CTDP1: variants seen among roughly 807,000 people sequenced by gnomAD.
CTDP1 encodes the protein CTD phosphatase 1.
Under a neutral mutation model 91.8 loss-of-function variants are expected in CTDP1, and 47 were observed. The observed-to-expected ratio is 0.51, with a 90% CI of 0.41 to 0.65. The LOEUF is 0.65. Ranked by LOEUF, CTDP1 falls within the 30% of genes least tolerant of loss-of-function variation. The pLI, the probability that CTDP1 is intolerant of heterozygous loss-of-function variation, is 0.00. For missense variants in CTDP1, 1,272 were observed against 1,373.7 expected (o/e 0.93, Z 1.17); for synonymous variants, 656 against 598.5 (o/e 1.10, Z -1.40).
At position 79,746,399 on chromosome 18, in the gene CTDP1, T is replaced by C. The variant is rs144304242; in HGVS notation, c.2748-7253T>C. The stretch of plus-strand genomic sequence containing the variant: ...TCTGTCCGTGCGTCCCTCCCATGCG[T>C]GTTCTGACTCTGCGGTCTCTTCAGG... On this transcript the variant is annotated intron_variant, in intron 12 of 12. Transcript: ENST00000613122. 4.7e-4 allele frequency among the ~76,000 whole-genome samples: 70 copies of C among 149,998 alleles called. 1 individual carries two copies. Among genetic ancestry groups the C allele is most frequent in the African/African-American group, 1.6e-3 (63 of 39,822 alleles).
intron 1 of CTDP1, among the ~76,000 whole-genome samples, chr18:79,683,576 T>C (rs2085420575): frequency 6.6e-6 from 1 of 152,222 alleles, no homozygotes; most frequent in Non-Finnish European, 1.5e-5. Context: ...GCCCAGCTGA[T>C]GGATCAGAAA....
chr18:79,729,882 T>G (rs2086531054), intron 11 of CTDP1, among the ~76,000 whole-genome samples: 1 of 152,224 alleles, frequency 6.6e-6, no homozygotes, highest in Non-Finnish European at 1.5e-5. Flanking sequence ...GGCCGTCCCC[T>G]TCCCTCAGGT....
Position 79,742,174 on chromosome 18 carries a change from TGAAGCATGA to T in CTDP1, c.2747+5656_2747+5664del, listed in dbSNP as rs1312645612. On this transcript the variant is annotated intron_variant, in intron 12 of 12. Coordinates refer to ENST00000613122, the MANE Select transcript of CTDP1 (RefSeq NM_004715.5). Reference sequence around the variant, plus strand: ...AGGCCTGGGGGCAGCAGAGGAAGCATGAAGCATGAGAGAGAGAGAGAGAGAGAGAGAGAG... The same window carrying T: ...AGGCCTGGGGGCAGCAGAGGAAGCATGAGAGAGAGAGAGAGAGAGAGAGAG... Among the ~76,000 whole-genome samples the T allele has an allele frequency of 1.7e-3, 117 of 69,412 alleles. 1 individual carries two copies. Among genetic ancestry groups the T allele is most frequent in the Middle Eastern group, 0.018 (2 of 112 alleles). The allele number at this position is 69,412 out of a possible 152,430, so 45.5% of individuals were successfully genotyped here. A position where few individuals can be genotyped will look rare whatever the true frequency, so the allele number is the denominator to read the frequency against.
At chr18:79,679,358 T>G, upstream of CTDP1, 1 of 450,968 alleles carries the variant, frequency 2.2e-6, no homozygotes, top group Non-Finnish European at 4.5e-6. Context: ...GCGCAAGGCA[T>G]GCCGGGACCC....
intron 1 of CTDP1, among the ~76,000 whole-genome samples, chr18:79,693,561 T>C (rs2085667104): frequency 6.6e-6 from 1 of 152,158 alleles, no homozygotes; most frequent in African/African-American, 2.4e-5. Context: ...TGACGAGATG[T>C]CTTGGGGATG....
intron 12 of CTDP1, among the ~76,000 whole-genome samples, chr18:79,746,210 T>A (rs1321370080): frequency 7.6e-5 from 2 of 26,462 alleles, no homozygotes; most frequent in African/African-American, 1.4e-4. Flanking sequence ...GCGGGTTCTG[T>A]CCCCGCGTCC....
At chr18:79,711,510 GGACCC>G (rs2086082936) in intron 6 of CTDP1, among the ~76,000 whole-genome samples, 1 of 152,194 alleles carries the variant, frequency 6.6e-6, no homozygotes, top group Admixed American at 6.5e-5. Context: ...GCAGTCGAAA[GGACCC>G]GAGTGGGCAG....
intron 1 of CTDP1, among the ~76,000 whole-genome samples, chr18:79,686,098 G>C (rs992281137): frequency 1.3e-5 from 2 of 152,054 alleles, no homozygotes; most frequent in South Asian, 2.1e-4. Flanking sequence ...GGTTTTGTTC[G>C]TCTGTGATTT....
intron 6 of CTDP1, among the ~76,000 whole-genome samples, chr18:79,712,770 A>G (rs1174424813): frequency 6.6e-6 from 1 of 152,192 alleles, no homozygotes; most frequent in Non-Finnish European, 1.5e-5. Context: ...CCTGAAGGAG[A>G]ATCGGAAACA....
At chr18:79,685,393 AC>A (rs2085473935) in intron 1 of CTDP1, 1 of 152,126 alleles carries the variant, frequency 6.6e-6, no homozygotes, top group Non-Finnish European at 1.5e-5. Context: ...AGGGGAAGGT[AC>A]CTAAAATGAT....
chr18:79,725,943 T>G (rs2086436360), intron 10 of CTDP1, among the ~76,000 whole-genome samples: 1 of 152,206 alleles, frequency 6.6e-6, no homozygotes, highest in Non-Finnish European at 1.5e-5. Context: ...GCCTTCCACG[T>G]TTTTCTCTGT....
At chr18:79,730,466 T>TTTGATATCAAAGGG (rs6146422) in intron 11 of CTDP1, among the ~76,000 whole-genome samples, 2 of 152,042 alleles carry the variant, frequency 1.3e-5, no homozygotes, top group Admixed American at 6.5e-5. Flanking sequence ...TGGTTCTTAA[T>TTTGATATCAAAGGG]GGTTGAATTC....
upstream of CTDP1, chr18:79,679,041 G>A (rs890780970): frequency 4.2e-6 from 1 of 238,820 alleles, no homozygotes; most frequent in Non-Finnish European, 8.5e-6. Flanking sequence ...GGCTCCTTTA[G>A]TAAGCCACTT....
At chr18:79,742,206 G>A (rs897809151) in intron 12 of CTDP1, among the ~76,000 whole-genome samples, 1 of 149,078 alleles carries the variant, frequency 6.7e-6, no homozygotes, top group African/African-American at 2.5e-5. Context: ...GAGAGAGAGA[G>A]AGGCCTGGCA....
intron 6 of CTDP1, among the ~76,000 whole-genome samples, chr18:79,712,022 C>T (rs1303700601): frequency 1.8e-4 from 5 of 28,444 alleles, no homozygotes; most frequent in Non-Finnish European, 2.6e-4. Flanking sequence ...CCTATGCTTG[C>T]TAATGTTAAC....
intron 6 of CTDP1, among the ~76,000 whole-genome samples, chr18:79,711,071 G>A (rs952808477): frequency 3.3e-5 from 5 of 151,948 alleles, no homozygotes; most frequent in Admixed American, 3.3e-4. Flanking sequence ...TTTTGTGTCT[G>A]TGGAGGCGGG....
At chr18:79,680,878 GAT>G (rs1217913851) in intron 1 of CTDP1, 3 of 152,406 alleles carry the variant, frequency 2.0e-5, no homozygotes, top group East Asian at 3.9e-4. Context: ...CCCAGAAGGG[GAT>G]ATGTTTCCGT....
At chr18:79,715,618 C>CT (rs761182450) in intron 8 of CTDP1, 90 bp downstream of exon 8, 120 of 1,272,384 alleles carry the variant, frequency 9.4e-5, no homozygotes, top group Non-Finnish European at 1.2e-4. Context: ...GTTTATCTCA[C>CT]TTTCAATTTT....
chr18:79,722,823 C>A (rs906585005), intron 10 of CTDP1, among the ~76,000 whole-genome samples: 2 of 152,186 alleles, frequency 1.3e-5, no homozygotes, highest in Non-Finnish European at 2.9e-5. Flanking sequence ...CGGGACCAGC[C>A]GGCAGGAGTT....
Sources: allele counts gnomAD v4.1 joint callset (sites outside exome capture counted in the v4.1 genomes callset), GRCh38; gene constraint gnomAD v4.1.1; transcripts MANE v1.5; gene names NCBI Gene and HGNC (gene_info 2026-07-23, HGNC 2026-07-21).